LPL: variants seen among roughly 807,000 people sequenced by gnomAD.
LPL encodes the protein phospholipase A1.
Under a neutral mutation model 52.2 loss-of-function variants are expected in LPL, and 43 were observed. That is an observed-to-expected ratio of 0.82 (90% CI 0.64 to 1.06). The LOEUF (loss-of-function observed/expected upper bound fraction) is 1.06. LPL is among the 50% of genes least tolerant of loss of function. The pLI, the probability that LPL is intolerant of heterozygous loss-of-function variation, is 0.00. For missense variants in LPL, 639 were observed against 585.3 expected (o/e 1.09, Z -0.95); for synonymous variants, 244 against 215.6 (o/e 1.13, Z -1.15).
Position 19,948,165 on chromosome 8 carries a change from AT to A in LPL, c.89-10del, listed in dbSNP as rs547644955. 7.1e-4 allele frequency: 1,144 copies of A among 1,613,726 alleles called. 8 individuals carry two copies. The African/African-American group carries it at 0.014, about 19-fold the overall frequency. ...AACCCTCCAGTTAACCTCATATCCA[AT>A]TTTTCCTTTCCAGAAAGAAGAGATT... On this transcript the variant is annotated splice_polypyrimidine_tract_variant and intron_variant, in intron 1 of 9. Coordinates refer to ENST00000650287, the MANE Select transcript of LPL (RefSeq NM_000237.3).
intron 6 of LPL, among the ~76,000 whole-genome samples, chr8:19,958,567 T>C (rs201109557): frequency 6.6e-6 from 1 of 151,846 alleles, no homozygotes; most frequent in Non-Finnish European, 1.5e-5. Flanking sequence ...AGTTCTTTTT[T>C]AAAAAAAATT....
Position 19,965,591 on chromosome 8 carries a change from A to T in LPL, c.*281A>T. The T allele has an allele frequency of 2.4e-6, 1 of 424,774 alleles. No homozygotes were observed. The highest frequency in any genetic ancestry group is 4.2e-6 in the Non-Finnish European group (1 of 237,142). 26.3% of individuals were successfully genotyped at this position (424,774 alleles called of 1,614,324 possible). ...AGTGCTGTTTTGTCCTTTGAGAAAG[A>T]AATAATTGTTTGAGCGCAGAGTAAA... On this transcript the variant is annotated 3_prime_UTR_variant, in exon 10 of 10. Transcript: ENST00000650287.
At chr8:19,964,869 G>A (rs1230732626) in intron 9 of LPL, among the ~76,000 whole-genome samples, 2 of 152,006 alleles carry the variant, frequency 1.3e-5, no homozygotes. Context: ...TTATCTAGGA[G>A]GTAATTATAA....
At chr8:19,943,882 A>C (rs986968013) in intron 1 of LPL, among the ~76,000 whole-genome samples, 4 of 152,164 alleles carry the variant, frequency 2.6e-5, no homozygotes, top group African/African-American at 9.7e-5. Context: ...CCATTAATAA[A>C]ACAACTTTTA....
At position 19,965,756 on chromosome 8, in the gene LPL, T is replaced by TTAATGAGA; in HGVS notation, c.*446_*447insTAATGAGA. On this transcript the variant is annotated 3_prime_UTR_variant, in exon 10 of 10. Transcript: ENST00000650287. The stretch of plus-strand genomic sequence containing the variant: ...TCTCCAAGAATACAGAAAATGCTTT[T>TTAATGAGA]CCGCGGCACGAATCAGACTCATCTA... The TTAATGAGA allele has an allele frequency of 6.3e-6, 1 of 157,994 alleles. No individual in the cohort carries two copies. Among genetic ancestry groups the TTAATGAGA allele is most frequent in the Non-Finnish European group, 1.4e-5 (1 of 72,110 alleles). 9.8% of individuals were successfully genotyped at this position (157,994 alleles called of 1,614,324 possible). A position where few individuals can be genotyped will look rare whatever the true frequency, so the allele number is the denominator to read the frequency against.
At chr8:19,946,692 TA>T (rs1241699810) in intron 1 of LPL, 1 of 161,360 alleles carries the variant, frequency 6.2e-6, no homozygotes, top group Admixed American at 6.4e-5. Flanking sequence ...CTTCTTACAG[TA>T]AATAGGTGGG....
rs1309851906 is a variant in LPL at position 19,944,242 on chromosome 8, A to G, written c.89-3938A>G. ...GTAAAGCTGCATGTTAGAGAAGTCA[A>G]GAGCATTACTTACGTTAGAATATCT... On this transcript the variant is annotated intron_variant, in intron 1 of 9. Transcript: ENST00000650287. This position sits in a 1 kb window ranked among gnomAD's most constrained non-coding sequence, Gnocchi z 4.2. Among the ~76,000 whole-genome samples, 1 of 152,184 alleles carries G rather than the reference A, an allele frequency of 6.6e-6. No individual in the cohort carries two copies. Among genetic ancestry groups the G allele is most frequent in the African/African-American group, 2.4e-5 (1 of 41,442 alleles).
At position 19,944,622 on chromosome 8, in the gene LPL, A is replaced by G. The variant is rs959632965; in HGVS notation, c.89-3558A>G. 1.9e-4 allele frequency among the ~76,000 whole-genome samples: 29 copies of G among 152,076 alleles called. No individual in the cohort carries two copies. Among genetic ancestry groups the G allele is most frequent in the South Asian group, 1.7e-3 (8 of 4,816 alleles). On this transcript the variant is annotated intron_variant, in intron 1 of 9. Coordinates refer to ENST00000650287, the MANE Select transcript of LPL (RefSeq NM_000237.3). The surrounding 1 kb of genome is among the most constrained non-coding windows in gnomAD (Gnocchi z 4.2). ...ATCTGCTGCTTTCCTGGGATGCTCA[A>G]CACTTCCCTCTTTCTAGCAACAAGA...
Position 19,947,147 on chromosome 8 carries a change from G to A in LPL, c.89-1033G>A, listed in dbSNP as rs190765142. ...ATATCTTGCCATAGGAGTGGGAACAGTTTCATACAAAAGCCTCCTCATGCT... is the reference window on the plus strand; with the variant it reads ...ATATCTTGCCATAGGAGTGGGAACAATTTCATACAAAAGCCTCCTCATGCT... On this transcript the variant is annotated intron_variant, in intron 1 of 9. Coordinates refer to ENST00000650287, the MANE Select transcript of LPL (RefSeq NM_000237.3). Among the ~76,000 whole-genome samples the A allele has an allele frequency of 2.4e-3, 358 of 152,274 alleles. 1 individual carries two copies. Among genetic ancestry groups the A allele is most frequent in the African/African-American group, 8.4e-3 (350 of 41,554 alleles).
chr8:19,939,971 C>A lies in LPL; in HGVS notation c.88+443C>A, dbSNP rs911965167. 6.6e-6 allele frequency among the ~76,000 whole-genome samples: 1 copy of A among 152,196 alleles called. No individual in the cohort carries two copies. The highest frequency in any genetic ancestry group is 1.5e-5 in the Non-Finnish European group (1 of 68,024). On this transcript the variant is annotated intron_variant, in intron 1 of 9. Coordinates refer to ENST00000650287, the MANE Select transcript of LPL (RefSeq NM_000237.3). This position sits in a 1 kb window ranked among gnomAD's most constrained non-coding sequence, Gnocchi z 4.0. ...GGTGACCTCGCCTTGGTTGGCACTG[C>A]GGCTCAGCCCCCGCCCGGGGACTCG...
chr8:19,947,321 A>G (rs1563568567), intron 1 of LPL, among the ~76,000 whole-genome samples: 1 of 152,032 alleles, frequency 6.6e-6, no homozygotes, highest in African/African-American at 2.4e-5. Flanking sequence ...CCTGGCCAAC[A>G]TGGTGAAACC....
In LPL at chr8:19,955,248, T is replaced by C. The variant is rs376480116; in HGVS notation, c.776-593T>C. ...ACATAATATCAATGATAAAATACAA[T>C]TCATTTAACAATTACCCTCTTAAGA... On this transcript the variant is annotated intron_variant, in intron 5 of 9. Transcript: ENST00000650287. Among the ~76,000 whole-genome samples the C allele has an allele frequency of 9.2e-5, 14 of 152,296 alleles. No individual in the cohort carries two copies. In the East Asian group the frequency reaches 2.1e-3, roughly 23 times the overall value.
In LPL at chr8:19,960,657, G is replaced by A. The variant is rs533860239; in HGVS notation, c.1140-244G>A. On this transcript the variant is annotated intron_variant, in intron 7 of 9. Transcript: ENST00000650287. ...TATATTTCTGAATGATTGACTTCAG[G>A]ATTTTCTTTTAGAATTGTATTAAAT... is the stretch of plus-strand genomic sequence containing the variant. Among the ~76,000 whole-genome samples the A allele has an allele frequency of 7.2e-5, 11 of 152,284 alleles. No homozygotes were observed. In the South Asian group the frequency reaches 2.3e-3, roughly 32 times the overall value.
At chr8:19,961,260 A>AG (rs35459867) in intron 8 of LPL, among the ~76,000 whole-genome samples, 177 bp downstream of exon 8, 262 of 30,744 alleles carry the variant, frequency 8.5e-3, no homozygotes, top group African/African-American at 0.029. Flanking sequence ...TTTGGGGGGC[A>AG]GGGGGGGGGA....
rs1487679858 is a variant in LPL at position 19,966,136 on chromosome 8, A to AT, written c.*826_*827insT. 1 of 151,822 alleles carries AT rather than the reference A, an allele frequency of 6.6e-6. No individual in the cohort carries two copies. The highest frequency in any genetic ancestry group is 1.5e-5 in the Non-Finnish European group (1 of 67,988). The allele number at this position is 151,822 out of a possible 1,614,324, so 9.4% of individuals were successfully genotyped here. On this transcript the variant is annotated 3_prime_UTR_variant, in exon 10 of 10. Transcript: ENST00000650287. ...TTGAATGGTGCAGAAAAAAAAAAAGAAACCGTAATTTTATTATTAGATTCT... is the reference window on the plus strand; with the variant it reads ...TTGAATGGTGCAGAAAAAAAAAAAGATAACCGTAATTTTATTATTAGATTCT...
At position 19,965,681 on chromosome 8, in the gene LPL, T is replaced by C. The variant is rs3289; in HGVS notation, c.*371T>C. ...AATTGGTTAGAACCTCCTATTTTAA[T>C]TGGAATTCTGGATCTTTCGGACTGA... On this transcript the variant is annotated 3_prime_UTR_variant, in exon 10 of 10. Coordinates refer to ENST00000650287, the MANE Select transcript of LPL (RefSeq NM_000237.3). 7,198 of 197,868 alleles carry C rather than the reference T, an allele frequency of 0.036. 204 individuals carry two copies. The highest frequency in any genetic ancestry group is 0.074 in the African/African-American group (3,203 of 43,246). 12.3% of individuals were successfully genotyped at this position (197,868 alleles called of 1,614,324 possible). A position where few individuals can be genotyped will look rare whatever the true frequency, so the allele number is the denominator to read the frequency against.
chr8:19,961,260 AGG>A (rs35459867), intron 8 of LPL, among the ~76,000 whole-genome samples, 177 bp downstream of exon 8: 3 of 30,730 alleles, frequency 9.8e-5, no homozygotes, highest in African/African-American at 3.0e-4. Context: ...TTTGGGGGGC[AGG>A]GGGGGGGAAG....
intron 5 of LPL, 86 bp from the exon 6 acceptor site, chr8:19,955,755 C>T: frequency 6.6e-7 from 1 of 1,525,948 alleles, no homozygotes; most frequent in East Asian, 2.2e-5. Flanking sequence ...TCTAACACCA[C>T]ATCTCACCTA....
chr8:19,945,425 T>C (rs1033510830), intron 1 of LPL, among the ~76,000 whole-genome samples: 2 of 152,194 alleles, frequency 1.3e-5, no homozygotes, highest in Non-Finnish European at 2.9e-5. Context: ...ATTGAAACCA[T>C]CACAGAGCAC....
Sources: allele counts gnomAD v4.1 joint callset (sites outside exome capture counted in the v4.1 genomes callset), GRCh38; gene constraint gnomAD v4.1.1; non-coding constraint Gnocchi (gnomAD v3.1); transcripts MANE v1.5; gene names NCBI Gene and HGNC (gene_info 2026-07-23, HGNC 2026-07-21).